TYW3: variants seen among roughly 807,000 people sequenced by gnomAD.
TYW3 encodes tRNA-yW synthesizing protein 3 homolog.
A neutral mutation model predicts 23.1 loss-of-function variants in TYW3; 26 were observed. The observed-to-expected ratio is 1.13, with a 90% CI of 0.83 to 1.56. The LOEUF is 1.56. TYW3 is among the 40% of genes most tolerant of loss of function. TYW3 has a pLI of 0.00. For synonymous variants in TYW3, 102 were observed against 105.7 expected, an observed-to-expected ratio of 0.97 and a Z score of 0.21; for missense variants, 316 against 311.9, an observed-to-expected ratio of 1.01 and a Z score of -0.10.
chr1:74,733,528 AG>A, intron 1 of TYW3, 110 bp downstream of exon 1: 1 of 1,472,416 alleles, frequency 6.8e-7, no homozygotes, highest in Non-Finnish European at 9.0e-7. Context: ...TGCTCCTCTG[AG>A]GGGTGGTCTC....
chr1:74,748,778 A>G lies in TYW3; in HGVS notation c.382A>G (p.Arg128Gly). ...LHSMAIDSGFRNSGITVGKRG... is the reference protein window; with the variant it reads ...LHSMAIDSGFGNSGITVGKRG... The stretch of plus-strand genomic sequence containing the variant: ...TTCCATGGCAATAGATTCTGGTTTC[A>G]GGAACTCTGGCATAACGGTGGGAAA... Residue 128 changes from arginine (R) to glycine (G), a missense_variant, in exon 4 of 6, where the codon AGG becomes GGG. By Grantham distance (125) the Arg-to-Gly change is moderately radical. Coordinates refer to ENST00000370867, the MANE Select transcript of TYW3 (RefSeq NM_138467.3). The G allele has an allele frequency of 6.2e-7, 1 of 1,614,090 alleles. No individual in the cohort carries two copies. Among genetic ancestry groups the G allele is most frequent in the Non-Finnish European group, 8.5e-7 (1 of 1,179,958 alleles).
chr1:74,740,497 T>C (rs1648314067), intron 3 of TYW3, among the ~76,000 whole-genome samples: 1 of 151,714 alleles, frequency 6.6e-6, no homozygotes, highest in Non-Finnish European at 1.5e-5. Flanking sequence ...TTCCCTTATT[T>C]GGCCCCACCC....
chr1:74,754,156 G>C (rs1648877075), intron 5 of TYW3, among the ~76,000 whole-genome samples: 1 of 152,160 alleles, frequency 6.6e-6, no homozygotes, highest in South Asian at 2.1e-4. Flanking sequence ...CTAAAACATA[G>C]GAGGTAGCAA....
chr1:74,740,103 C>T (rs1399445891), intron 3 of TYW3, among the ~76,000 whole-genome samples: 1 of 152,152 alleles, frequency 6.6e-6, no homozygotes, highest in Non-Finnish European at 1.5e-5. Flanking sequence ...CGTGGACCCT[C>T]GCAGTGAGTG....
chr1:74,747,775 GTATATGTATACACATGTGTACATATA>G (rs1557746397), intron 3 of TYW3, among the ~76,000 whole-genome samples: 1 of 151,392 alleles, frequency 6.6e-6, no homozygotes, highest in Admixed American at 6.6e-5. Flanking sequence ...GTATATGTGT[GTATATGTATACACATGTGTACATATA>G]TATGTGTACA....
Position 74,738,620 on chromosome 1 carries a change from T to C in TYW3, c.256-70T>C, listed in dbSNP as rs572825166. 50 of 984,480 alleles carry C rather than the reference T, an allele frequency of 5.1e-5. 2 individuals are homozygous for C. In the South Asian group the frequency reaches 1.3e-3, roughly 26 times the overall value. The allele number at this position is 984,480 out of a possible 1,614,324, so 61.0% of individuals were successfully genotyped here. On this transcript the variant is annotated intron_variant, in intron 2 of 5. Coordinates refer to ENST00000370867, the MANE Select transcript of TYW3 (RefSeq NM_138467.3). ...AAATTTCTAAGAGAAATTGAAGTTA[T>C]GTATGGGGTAAAGGGTCGCCAAAGG... is the stretch of plus-strand genomic sequence containing the variant.
At chr1:74,752,896 C>T (rs368425819) in intron 5 of TYW3, among the ~76,000 whole-genome samples, 1 of 151,184 alleles carries the variant, frequency 6.6e-6, no homozygotes, top group Non-Finnish European at 1.5e-5. Context: ...TAGTTTAATA[C>T]CAAACTCTTG....
At chr1:74,747,792 T>C (rs1186163722) in intron 3 of TYW3, among the ~76,000 whole-genome samples, 1 of 150,818 alleles carries the variant, frequency 6.6e-6, no homozygotes, top group Admixed American at 6.6e-5. Flanking sequence ...TATACACATG[T>C]GTACATATAT....
In TYW3 at chr1:74,766,586, T is replaced by A. The variant is rs1358137983; in HGVS notation, c.*2473T>A. The A allele has an allele frequency of 6.6e-6, 1 of 152,068 alleles. No homozygotes were observed. Among genetic ancestry groups the A allele is most frequent in the Non-Finnish European group, 1.5e-5 (1 of 68,010 alleles). The allele number at this position is 152,068 out of a possible 1,614,324, so 9.4% of individuals were successfully genotyped here. On this transcript the variant is annotated 3_prime_UTR_variant, in exon 6 of 6. Transcript: ENST00000370867. ...TAAGCTAAGCATTATTACCAAAGAG[T>A]CAAAAAGTTTTAAGAAATTAAAGTT...
chr1:74,762,421 G>A (rs1479149676), intron 5 of TYW3, among the ~76,000 whole-genome samples: 1 of 152,028 alleles, frequency 6.6e-6, no homozygotes, highest in East Asian at 1.9e-4. Flanking sequence ...TGGCAGGGGG[G>A]TTTCCTAACT....
Position 74,765,455 on chromosome 1 carries a change from C to G in TYW3, c.*1342C>G, listed in dbSNP as rs80027800. 6.6e-6 allele frequency: 1 copy of G among 152,180 alleles called. No homozygotes were observed. The highest frequency in any genetic ancestry group is 2.4e-5 in the African/African-American group (1 of 41,544). 9.4% of individuals were successfully genotyped at this position (152,180 alleles called of 1,614,324 possible). On this transcript the variant is annotated 3_prime_UTR_variant, in exon 6 of 6. Coordinates refer to ENST00000370867, the MANE Select transcript of TYW3 (RefSeq NM_138467.3). ...CCTAGATGACAATGTCAGTGGCACT[C>G]GAAGTTGTGCAGTGCACATTCTTAT...
intron 3 of TYW3, among the ~76,000 whole-genome samples, chr1:74,741,380 G>T (rs2100758324): frequency 6.6e-6 from 1 of 152,152 alleles, no homozygotes; most frequent in Middle Eastern, 3.4e-3. Flanking sequence ...CTGATCTTGG[G>T]ACTCCTGAGC....
rs1648684952 is a variant in TYW3, at chr1:74,748,954, G to T, written c.426+132G>T. ...CCATTCTCTTACTCATAAACCCTCA[G>T]TGACTTACTCCTTCCTACAGGGCAA... On this transcript the variant is annotated intron_variant, in intron 4 of 5. Coordinates refer to ENST00000370867, the MANE Select transcript of TYW3 (RefSeq NM_138467.3). The T allele has an allele frequency of 6.2e-6, 5 of 808,322 alleles. No homozygotes were observed. The South Asian group carries it at 8.5e-5, about 14-fold the overall frequency. 50.1% of individuals were successfully genotyped at this position (808,322 alleles called of 1,614,324 possible). A position where few individuals can be genotyped will look rare whatever the true frequency, so the allele number is the denominator to read the frequency against.
chr1:74,755,572 A>C (rs112259220), intron 5 of TYW3, among the ~76,000 whole-genome samples: 3 of 152,174 alleles, frequency 2.0e-5, no homozygotes, highest in African/African-American at 7.2e-5. Context: ...TTATTCATTG[A>C]TGTGTCAATG....
intron 4 of TYW3, 39 bp downstream of exon 4, chr1:74,748,861 A>G (rs1350742995): frequency 6.4e-7 from 1 of 1,569,520 alleles, no homozygotes; most frequent in East Asian, 2.2e-5. Context: ...TTTAGTGTAA[A>G]GTGATCCAGA....
chr1:74,734,522 A>G (rs539411992), intron 1 of TYW3, among the ~76,000 whole-genome samples: 1 of 152,366 alleles, frequency 6.6e-6, no homozygotes, highest in Admixed American at 6.5e-5. Context: ...AAAAAACAGC[A>G]TATGCTGAGG....
chr1:74,733,376 C>T lies in TYW3; in HGVS notation c.132C>T (p.Phe44=). 1 of 1,614,184 alleles carries T rather than the reference C, an allele frequency of 6.2e-7. No homozygotes were observed. The highest frequency in any genetic ancestry group is 8.5e-7 in the Non-Finnish European group (1 of 1,180,020). ...TTCTGAACATGCGAGATCAGTTTTT[C>T]ACCACCAGCTCCTGCGCTGGCCGCA... ...VQFLNMRDQF[F]TTSSCAGRIL... Residue 44 remains phenylalanine (F), a synonymous_variant, in exon 1 of 6, where the codon TTC becomes TTT. Coordinates refer to ENST00000370867, the MANE Select transcript of TYW3 (RefSeq NM_138467.3).
chr1:74,762,425 C>T (rs1444243163), intron 5 of TYW3, among the ~76,000 whole-genome samples: 1 of 152,056 alleles, frequency 6.6e-6, no homozygotes, highest in Non-Finnish European at 1.5e-5. Context: ...AGGGGGGTTT[C>T]CTAACTTTCA....
At chr1:74,744,638 T>C (rs1235496690) in intron 3 of TYW3, among the ~76,000 whole-genome samples, 2 of 152,136 alleles carry the variant, frequency 1.3e-5, no homozygotes, top group Middle Eastern at 3.2e-3. Context: ...GGTCGCCAAA[T>C]GTGTCCCATC....
Sources: gnomAD v4.1 joint callset for allele counts (sites outside exome capture counted in the v4.1 genomes callset) on GRCh38, gnomAD v4.1.1 for gene constraint, MANE v1.5 for transcripts, NCBI Gene and HGNC (gene_info 2026-07-23, HGNC 2026-07-21) for gene names.